SPTA1: variants seen among roughly 807,000 people sequenced by gnomAD.
SPTA1 encodes spectrin alpha chain, erythrocytic 1.
SPTA1 carries 177 observed loss-of-function variants against 324.7 expected under a neutral mutation model. The ratio of observed to expected loss-of-function variants is 0.55; its 90% CI spans 0.48 to 0.62. The LOEUF (loss-of-function observed/expected upper bound fraction) is 0.62. Ranked by LOEUF, SPTA1 falls within the 20% of genes least tolerant of loss-of-function variation. SPTA1 has a pLI of 0.00. For synonymous variants in SPTA1, 1,195 were observed against 1,041.3 expected (o/e 1.15, Z -2.84); for missense variants, 3,162 against 2,883.6 (o/e 1.10, Z -2.21).
intron 18 of SPTA1, among the ~76,000 whole-genome samples, chr1:158,659,857 G>T (rs1381919352): frequency 1.6e-5 from 1 of 61,608 alleles, no homozygotes; most frequent in African/African-American, 2.6e-4. Context: ...TGATCCACTC[G>T]CCTCGGCCTC....
At chr1:158,647,472 T>C in intron 27 of SPTA1, 67 bp downstream of exon 27, 3 of 1,597,250 alleles carry the variant, frequency 1.9e-6, no homozygotes, top group Admixed American at 1.7e-5. Context: ...GAACAGCATC[T>C]GTACCCAGAC....
chr1:158,660,607 T>G (rs1056274130), intron 18 of SPTA1, among the ~76,000 whole-genome samples: 1 of 152,232 alleles, frequency 6.6e-6, no homozygotes, highest in Non-Finnish European at 1.5e-5. Context: ...ATTTCTACAG[T>G]TGTTGGTTTG....
At chr1:158,684,421 A>C (rs1655028357) in intron 2 of SPTA1, among the ~76,000 whole-genome samples, 1 of 152,116 alleles carries the variant, frequency 6.6e-6, no homozygotes, top group Admixed American at 6.6e-5. Context: ...AATATCAAAA[A>C]TCACATGGTT....
chr1:158,620,396 T>C lies in SPTA1; in HGVS notation c.6191A>G (p.Glu2064Gly). 1.2e-6 allele frequency: 2 copies of C among 1,613,962 alleles called. No individual in the cohort carries two copies. Among genetic ancestry groups the C allele is most frequent in the Non-Finnish European group, 1.7e-6 (2 of 1,180,026 alleles). Residue 2064 changes from glutamate to glycine, a missense_variant, in exon 44 of 52, where the codon GAA becomes GGA. Transcript: ENST00000643759. ...ACAGTGCACAGGCTCTGACAAGTTT[T>C]CTTCCATCTTTTCACACCAGTTGTT... The part of the protein sequence containing the change: ...ALNNWCEKME[E>G]NLSEPVHCVS...
chr1:158,665,408 G>C (rs1441515939), intron 16 of SPTA1, among the ~76,000 whole-genome samples: 3 of 142,498 alleles, frequency 2.1e-5, no homozygotes, highest in Non-Finnish European at 4.5e-5. Flanking sequence ...AGTGACCATA[G>C]AGTAGGCATC....
At position 158,664,891 on chromosome 1, in the gene SPTA1, C is replaced by T. The variant is rs141563504; in HGVS notation, c.2220+1425G>A. On this transcript the variant is annotated intron_variant, in intron 16 of 51. Coordinates refer to ENST00000643759, the MANE Select transcript of SPTA1 (RefSeq NM_003126.4). ...GGAGAGAGGATATCTGGCTCATATA[C>T]TTGGCTGCCAGTCCATTGCCATTTG... Among the ~76,000 whole-genome samples, 20 of 152,330 alleles carry T rather than the reference C, an allele frequency of 1.3e-4. No homozygotes were observed. In the East Asian group the frequency reaches 3.5e-3, roughly 26 times the overall value.
In SPTA1 at chr1:158,623,032, G is replaced by C; in HGVS notation, c.6071C>G (p.Ser2024Trp). 6.2e-7 allele frequency: 1 copy of C among 1,614,106 alleles called. No individual in the cohort carries two copies. The highest frequency in any genetic ancestry group is 8.5e-7 in the Non-Finnish European group (1 of 1,180,018). Reference protein sequence around the residue: ...LKRWEQLLEASAVHRQKLLEK... With the variant: ...LKRWEQLLEAWAVHRQKLLEK... ...CAGCAATTTCTGTCTGTGGACTGCC[G>C]AGGCTTCCAGCAACTGTTCCCAGCG... The change falls in exon 43 of 52, where the codon TCG becomes TGG. Residue 2024 changes from serine (S) to tryptophan (W), a missense_variant. Physicochemically the swap from Ser to Trp is radical, Grantham distance 177. Coordinates refer to ENST00000643759, the MANE Select transcript of SPTA1 (RefSeq NM_003126.4).
intron 51 of SPTA1, chr1:158,612,539 G>T (rs941753961): frequency 1.2e-5 from 5 of 426,164 alleles, no homozygotes; most frequent in African/African-American, 8.3e-5. Context: ...TTCAATAAAT[G>T]CTCTTTGAAT....
At chr1:158,614,159 A>G in intron 49 of SPTA1, 94 bp downstream of exon 49, 1 of 1,056,130 alleles carries the variant, frequency 9.5e-7, no homozygotes, top group East Asian at 2.4e-5. Flanking sequence ...TTAAGATTCC[A>G]CCAAGCCTCA....
At chr1:158,664,072 T>C (rs1653428299) in intron 16 of SPTA1, among the ~76,000 whole-genome samples, 1 of 152,198 alleles carries the variant, frequency 6.6e-6, no homozygotes, top group African/African-American at 2.4e-5. Flanking sequence ...ACTTTTACTC[T>C]GTGAGTAGGA....
intron 42 of SPTA1, among the ~76,000 whole-genome samples, chr1:158,624,107 C>T (rs1650101135): frequency 1.1e-5 from 1 of 93,940 alleles, no homozygotes; most frequent in African/African-American, 4.5e-5. Context: ...TGTATGGAAA[C>T]ACCTACATAC....
intron 10 of SPTA1, 89 bp from the exon 11 acceptor site, chr1:158,672,285 T>C (rs1449550811): frequency 7.1e-7 from 1 of 1,404,186 alleles, no homozygotes; most frequent in African/African-American, 1.4e-5. Flanking sequence ...CAAAGCCATT[T>C]AAGGATACAA....
Position 158,636,011 on chromosome 1 carries a change from C to T in SPTA1, c.5334G>A (p.Lys1778=). 6.2e-7 allele frequency: 1 copy of T among 1,614,206 alleles called. No homozygotes were observed. Among genetic ancestry groups the T allele is most frequent in the Non-Finnish European group, 8.5e-7 (1 of 1,180,036 alleles). Residue 1778 remains lysine, a synonymous_variant, in exon 38 of 52, where the codon AAG becomes AAA. Coordinates refer to ENST00000643759, the MANE Select transcript of SPTA1 (RefSeq NM_003126.4). ...AIQNVLDMAE[K]LKDKAAVGQE... ...GCCCCACAGCAGCCTTGTCTTTCAG[C>T]TTCTCTGCCATATCCAGCACATTCT...
intron 19 of SPTA1, 89 bp from the exon 20 acceptor site, chr1:158,656,745 T>C (rs1218619366): frequency 8.7e-6 from 11 of 1,266,042 alleles, no homozygotes; most frequent in Non-Finnish European, 1.3e-5. Flanking sequence ...GCTATTTGTC[T>C]TAAATCCTGG....
chr1:158,615,794 A>G (rs1185177747), intron 47 of SPTA1, among the ~76,000 whole-genome samples: 1 of 152,172 alleles, frequency 6.6e-6, no homozygotes, highest in Admixed American at 6.5e-5. Context: ...ATGCATCATC[A>G]ATGGCTCACA....
intron 26 of SPTA1, 120 bp from the exon 27 acceptor site, chr1:158,647,840 T>G (rs1339580205): frequency 9.5e-7 from 1 of 1,053,452 alleles, no homozygotes; most frequent in African/African-American, 1.6e-5. Context: ...TACAAGTATG[T>G]CATCATACTT....
intron 14 of SPTA1, among the ~76,000 whole-genome samples, chr1:158,669,125 G>A (rs1170289953): frequency 1.3e-5 from 2 of 152,086 alleles, no homozygotes; most frequent in Non-Finnish European, 2.9e-5. Context: ...AGCTCAATAA[G>A]GAACATTCCC....
At chr1:158,612,624 G>T in intron 51 of SPTA1, 193 bp downstream of exon 51, 1 of 625,692 alleles carries the variant, frequency 1.6e-6, no homozygotes, top group Admixed American at 2.6e-5. Flanking sequence ...ATTCAATAGA[G>T]TACCACAGTA....
intron 21 of SPTA1, among the ~76,000 whole-genome samples, chr1:158,654,320 C>G (rs992152561): frequency 1.3e-5 from 2 of 152,048 alleles, no homozygotes; most frequent in East Asian, 3.9e-4. Context: ...CAGCTTAGCC[C>G]TTTAAATATA....
Sources: allele counts gnomAD v4.1 joint callset (sites outside exome capture counted in the v4.1 genomes callset), GRCh38; gene constraint gnomAD v4.1.1; transcripts MANE v1.5; gene names NCBI Gene and HGNC (gene_info 2026-07-23, HGNC 2026-07-21).